The following ETV6 variants were observed in gnomAD, a reference collection of about 807,000 sequenced individuals.
The protein encoded by ETV6 is transcription factor ETV6.
ETV6 carries 16 observed loss-of-function variants against 51.1 expected under a neutral mutation model. The observed-to-expected ratio is 0.31, with a 90% CI of 0.21 to 0.48. The LOEUF is 0.48. ETV6 is among the 20% of genes least tolerant of loss of function. The pLI is 0.99. For missense variants in ETV6, 458 were observed against 594.8 expected, an observed-to-expected ratio of 0.77 and a Z score of 2.39; for synonymous variants, 240 against 224.1, an observed-to-expected ratio of 1.07 and a Z score of -0.64.
intron 2 of ETV6, among the ~76,000 whole-genome samples, chr12:11,769,982 T>A (rs1405091895): frequency 1.3e-5 from 2 of 151,300 alleles, no homozygotes; most frequent in Non-Finnish European, 3.0e-5. Flanking sequence ...GACAGAGGAG[T>A]CACAGGCTGA....
chr12:11,778,580 C>T (rs1047815350), intron 2 of ETV6, among the ~76,000 whole-genome samples: 1 of 152,178 alleles, frequency 6.6e-6, no homozygotes, highest in Non-Finnish European at 1.5e-5. Flanking sequence ...GTCCTGCTGC[C>T]TTTTCCTTGT....
At chr12:11,736,472 G>T (rs1159321878) in intron 1 of ETV6, among the ~76,000 whole-genome samples, 5 of 152,182 alleles carry the variant, frequency 3.3e-5, no homozygotes, top group Non-Finnish European at 7.4e-5. Flanking sequence ...TTTTTGATCA[G>T]GTACAAGAAA....
In ETV6 at chr12:11,650,179, CCTT is replaced by C. The variant is rs776943622; in HGVS notation, c.33+22_33+24del. The C allele has an allele frequency of 8.1e-6, 13 of 1,610,490 alleles. No individual in the cohort carries two copies. The highest frequency in any genetic ancestry group is 5.3e-5 in the African/African-American group (4 of 74,830). On this transcript the variant is annotated intron_variant, in intron 1 of 7. Transcript: ENST00000396373. Reference sequence around the variant, plus strand: ...CATTAAGGTAAAAATCTTCTCCCCTCCTTCTACGTGGTGGAAACCCTGAGCTGC... The same window carrying C: ...CATTAAGGTAAAAATCTTCTCCCCTCCTACGTGGTGGAAACCCTGAGCTGC...
At chr12:11,736,131 C>A (rs2120998485) in intron 1 of ETV6, among the ~76,000 whole-genome samples, 1 of 152,174 alleles carries the variant, frequency 6.6e-6, no homozygotes, top group South Asian at 2.1e-4. Flanking sequence ...TAGAGATTTT[C>A]TTTTCTCACT....
intron 1 of ETV6, among the ~76,000 whole-genome samples, chr12:11,706,675 G>A (rs1380577840): frequency 2.0e-5 from 3 of 152,210 alleles, no homozygotes; most frequent in Non-Finnish European, 4.4e-5. Context: ...GAGAGGGTGG[G>A]AGAGCACTGG....
At chr12:11,664,086 A>G (rs1374084985) in intron 1 of ETV6, among the ~76,000 whole-genome samples, 2 of 152,226 alleles carry the variant, frequency 1.3e-5, no homozygotes, top group African/African-American at 2.4e-5. Flanking sequence ...TTGGCAAAGC[A>G]GGGTTCCTGT....
At chr12:11,889,175 C>T (rs956981973) in intron 7 of ETV6, among the ~76,000 whole-genome samples, 13 of 151,900 alleles carry the variant, frequency 8.6e-5, no homozygotes, top group Admixed American at 6.6e-5. Context: ...TTATTGACTT[C>T]GGATGTGGAG....
intron 1 of ETV6, among the ~76,000 whole-genome samples, chr12:11,703,516 A>C (rs1364759465): frequency 3.3e-5 from 5 of 152,296 alleles, no homozygotes; most frequent in South Asian, 4.1e-4. Flanking sequence ...AAGCCAATGA[A>C]ATGATACCAA....
chr12:11,793,770 T>G (rs1411066306), intron 2 of ETV6, among the ~76,000 whole-genome samples: 1 of 152,196 alleles, frequency 6.6e-6, no homozygotes, highest in Non-Finnish European at 1.5e-5. Flanking sequence ...CTCTTACTTG[T>G]ATTTCCCAGG....
chr12:11,676,052 T>C (rs947522858), intron 1 of ETV6, among the ~76,000 whole-genome samples: 2 of 152,190 alleles, frequency 1.3e-5, no homozygotes, highest in African/African-American at 2.4e-5. Context: ...TCCTTGCCTT[T>C]TATTTCTTGC....
At chr12:11,694,982 T>A (rs898164751) in intron 1 of ETV6, among the ~76,000 whole-genome samples, 1 of 152,208 alleles carries the variant, frequency 6.6e-6, no homozygotes, top group Non-Finnish European at 1.5e-5. Flanking sequence ...GTATGTCACT[T>A]AGTATAGGTC....
intron 2 of ETV6, among the ~76,000 whole-genome samples, chr12:11,753,918 C>T (rs1215636023): frequency 6.6e-6 from 1 of 152,234 alleles, no homozygotes; most frequent in African/African-American, 2.4e-5. Flanking sequence ...CAGCCCTACT[C>T]TACCATCTTT....
chr12:11,773,475 C>G (rs996199249), intron 2 of ETV6, among the ~76,000 whole-genome samples: 11 of 152,104 alleles, frequency 7.2e-5, no homozygotes, highest in African/African-American at 1.4e-4. Context: ...ATTCCAGTTT[C>G]AGAACATTGG....
intron 4 of ETV6, among the ~76,000 whole-genome samples, chr12:11,863,020 G>A (rs753591210): frequency 2.6e-5 from 4 of 152,118 alleles, no homozygotes; most frequent in Non-Finnish European, 4.4e-5. Context: ...GTTGATTTGC[G>A]TCTCCCTGGT....
intron 3 of ETV6, among the ~76,000 whole-genome samples, chr12:11,846,728 G>A (rs1252691382): frequency 2.0e-5 from 3 of 152,134 alleles, no homozygotes; most frequent in Non-Finnish European, 2.9e-5. Flanking sequence ...TGGGATACAC[G>A]GTAGCCTCAC....
At chr12:11,660,699 C>T (rs538231988) in intron 1 of ETV6, among the ~76,000 whole-genome samples, 1 of 151,840 alleles carries the variant, frequency 6.6e-6, no homozygotes, top group African/African-American at 2.4e-5. Flanking sequence ...GGAAACTTCT[C>T]TCAAGTTTAT....
At chr12:11,674,171 C>A (rs555273822) in intron 1 of ETV6, among the ~76,000 whole-genome samples, 26 of 152,224 alleles carry the variant, frequency 1.7e-4, no homozygotes, top group African/African-American at 6.3e-4. Flanking sequence ...GTGGCCAGAT[C>A]GTTCGCTTCC....
intron 1 of ETV6, among the ~76,000 whole-genome samples, chr12:11,693,560 G>C (rs1864812457): frequency 6.6e-6 from 1 of 152,286 alleles, no homozygotes; most frequent in South Asian, 2.1e-4. Flanking sequence ...TGTTTGCTTG[G>C]ATGGTAGAGT....
chr12:11,800,537 T>G (rs1945731791), intron 2 of ETV6, among the ~76,000 whole-genome samples: 1 of 151,076 alleles, frequency 6.6e-6, no homozygotes, highest in African/African-American at 2.4e-5. Flanking sequence ...ACGTTTTGTA[T>G]CCTTTGACCA....
Sources: allele counts gnomAD v4.1 joint callset (sites outside exome capture counted in the v4.1 genomes callset), GRCh38; gene constraint gnomAD v4.1.1; transcripts MANE v1.5; gene names NCBI Gene and HGNC (gene_info 2026-07-23, HGNC 2026-07-21).